The following KDSR variants were observed in gnomAD, a reference collection of about 807,000 sequenced individuals.
The protein encoded by KDSR is 3-ketodihydrosphingosine reductase.
In KDSR, 23 loss-of-function variants were observed where a neutral mutation model predicts 41.3. That is an observed-to-expected ratio of 0.56 (90% confidence interval 0.40 to 0.79). The LOEUF (loss-of-function observed/expected upper bound fraction) is 0.79, where lower values mean the gene tolerates loss of function less well. Among genes scored for constraint, KDSR ranks in the 30% least tolerant of loss-of-function variants. KDSR has a pLI of 0.00. For synonymous variants in KDSR, 138 were observed against 151.7 expected (o/e 0.91, Z 0.66); for missense variants, 351 against 416.8 (o/e 0.84, Z 1.37).
At chr18:63,350,514 C>T (rs1428342081) in intron 6 of KDSR, among the ~76,000 whole-genome samples, 2 of 152,164 alleles carry the variant, frequency 1.3e-5, no homozygotes, top group African/African-American at 4.8e-5. Context: ...ATACTAATTT[C>T]ACGTATTATT....
chr18:63,355,520 T>TG lies in KDSR; in HGVS notation c.298dup (p.Gln100ProfsTer32). ...TACTTGTTTTATGACATTCTCTACT[T>TG]GGTTATAGTCTTGAGATACATCAAC... On this transcript the variant is annotated frameshift_variant, in exon 4 of 10. Transcript: ENST00000645214. LOFTEE classifies it high-confidence loss of function. 6.2e-7 allele frequency: 1 copy of TG among 1,610,782 alleles called. No individual in the cohort carries two copies.
chr18:63,353,382 G>A (rs1392132120), intron 5 of KDSR, among the ~76,000 whole-genome samples: 1 of 152,058 alleles, frequency 6.6e-6, no homozygotes, highest in African/African-American at 2.4e-5. Flanking sequence ...GGTTGAGGAG[G>A]GATAACTAAC....
At chr18:63,351,710 A>T (rs1010043523) in intron 5 of KDSR, among the ~76,000 whole-genome samples, 2 of 152,206 alleles carry the variant, frequency 1.3e-5, no homozygotes, top group African/African-American at 4.8e-5. Flanking sequence ...TATGATGGGT[A>T]AGAGTACTAA....
chr18:63,342,875 C>T (rs781560889), intron 7 of KDSR, among the ~76,000 whole-genome samples: 1 of 152,104 alleles, frequency 6.6e-6, no homozygotes, highest in Non-Finnish European at 1.5e-5. Context: ...GGAGGAGGGA[C>T]CTGGTGGGAG....
chr18:63,353,474 C>T (rs902897509), intron 5 of KDSR, among the ~76,000 whole-genome samples: 2 of 152,114 alleles, frequency 1.3e-5, no homozygotes, highest in African/African-American at 4.8e-5. Flanking sequence ...CCCCAAAAGG[C>T]TCCAGCTGCA....
At chr18:63,362,965 T>G (rs1449816387) in intron 1 of KDSR, 97 bp from the exon 2 acceptor site, 4 of 748,598 alleles carry the variant, frequency 5.3e-6, no homozygotes, top group Non-Finnish European at 9.2e-6. Context: ...AAAATGAATC[T>G]ACAAGAACTA....
At chr18:63,344,832 C>A in intron 6 of KDSR, 1 of 209,904 alleles carries the variant, frequency 4.8e-6, no homozygotes, top group South Asian at 1.2e-4. Context: ...AGTTCCCACA[C>A]GCACTGCACA....
At chr18:63,353,730 C>G (rs1214783437) in intron 5 of KDSR, among the ~76,000 whole-genome samples, 1 of 152,152 alleles carries the variant, frequency 6.6e-6, no homozygotes, top group Non-Finnish European at 1.5e-5. Flanking sequence ...AGGTCAGACA[C>G]AGAAGTGCAC....
chr18:63,364,912 A>C (rs989330344), intron 1 of KDSR, among the ~76,000 whole-genome samples: 1 of 152,236 alleles, frequency 6.6e-6, no homozygotes, highest in Non-Finnish European at 1.5e-5. Context: ...ATAACCAGAC[A>C]TTTAGATTTT....
At chr18:63,359,285 A>G (rs537464125) in intron 3 of KDSR, among the ~76,000 whole-genome samples, 1 of 151,978 alleles carries the variant, frequency 6.6e-6, no homozygotes, top group African/African-American at 2.4e-5. Flanking sequence ...GAAAAGAGGG[A>G]CAAGGCTGCT....
chr18:63,332,337 C>T (rs1206874870), intron 9 of KDSR, among the ~76,000 whole-genome samples: 3 of 152,158 alleles, frequency 2.0e-5, no homozygotes, highest in Non-Finnish European at 4.4e-5. Context: ...TGAGCTTATT[C>T]TCAGGCTGGA....
chr18:63,329,610 C>G lies in KDSR; in HGVS notation c.*2172G>C, dbSNP rs762913178. ...AAATTGGGATAGGGACAATTGTCTTCTACCGCAAAACAGGGGCTCTCAACA... is the reference window on the plus strand; with the variant it reads ...AAATTGGGATAGGGACAATTGTCTTGTACCGCAAAACAGGGGCTCTCAACA... On this transcript the variant is annotated 3_prime_UTR_variant, in exon 10 of 10. Coordinates refer to ENST00000645214, the MANE Select transcript of KDSR (RefSeq NM_002035.4). The G allele has an allele frequency of 2.3e-4, 47 of 201,390 alleles. No homozygotes were observed. The highest frequency in any genetic ancestry group is 7.2e-5 in the Non-Finnish European group (7 of 97,886). 12.5% of individuals were successfully genotyped at this position (201,390 alleles called of 1,614,324 possible).
chr18:63,347,026 A>G (rs1914524783), intron 6 of KDSR, among the ~76,000 whole-genome samples: 1 of 152,078 alleles, frequency 6.6e-6, no homozygotes, highest in East Asian at 1.9e-4. Flanking sequence ...CACTCTTTCT[A>G]AGAATGGATG....
At chr18:63,349,828 T>C (rs958209867) in intron 6 of KDSR, among the ~76,000 whole-genome samples, 3 of 152,266 alleles carry the variant, frequency 2.0e-5, no homozygotes, top group Non-Finnish European at 4.4e-5. Flanking sequence ...GTGACAATTG[T>C]TCATTTACAC....
In KDSR at chr18:63,344,438, G is replaced by C; in HGVS notation, c.665C>G (p.Pro222Arg). The change falls in exon 7 of 10, where the codon CCT (proline) becomes CGT (arginine). Residue 222 changes from proline to arginine, a missense_variant. Transcript: ENST00000645214. ...TVAYPPDTDT[P>R]GFAEENRTKP... is the part of the protein sequence containing the mutation. Reference sequence around the variant, plus strand: ...TGTTCTGTTTTCTTCGGCAAAGCCAGGTGTGTCTGTGTCTGGTGGGTAAGC... The same window carrying C: ...TGTTCTGTTTTCTTCGGCAAAGCCACGTGTGTCTGTGTCTGGTGGGTAAGC... The C allele has an allele frequency of 1.2e-6, 2 of 1,613,998 alleles. No homozygotes were observed. The highest frequency in any genetic ancestry group is 1.7e-6 in the Non-Finnish European group (2 of 1,179,852).
In KDSR at chr18:63,331,280, GA is replaced by G. The variant is rs1568273595; in HGVS notation, c.*501del. On this transcript the variant is annotated 3_prime_UTR_variant, in exon 10 of 10. Coordinates refer to ENST00000645214, the MANE Select transcript of KDSR (RefSeq NM_002035.4). ...ACAAAGAAAGAAAGAGAGAGAGAGA[GA>G]GAGACAGAGAGACAGAGAGACAGAG... is the stretch of plus-strand genomic sequence containing the variant. 6.4e-5 allele frequency: 3 copies of G among 46,876 alleles called. No individual in the cohort carries two copies. The highest frequency in any genetic ancestry group is 2.9e-4 in the African/African-American group (3 of 10,220). The allele number at this position is 46,876 out of a possible 1,614,324, so 2.9% of individuals were successfully genotyped here. A position where few individuals can be genotyped will look rare whatever the true frequency, so the allele number is the denominator to read the frequency against.
chr18:63,348,580 A>G (rs928788486), intron 6 of KDSR, among the ~76,000 whole-genome samples: 8 of 152,088 alleles, frequency 5.3e-5, no homozygotes, highest in African/African-American at 1.9e-4. Flanking sequence ...GGGTATTTTT[A>G]ATAGAGTCCA....
In KDSR at chr18:63,350,747, G is replaced by C. The variant is rs969907020; in HGVS notation, c.609+141C>G. 11 of 661,194 alleles carry C rather than the reference G, an allele frequency of 1.7e-5. No homozygotes were observed. In the African/African-American group the frequency reaches 2.0e-4, roughly 12 times the overall value. The allele number at this position is 661,194 out of a possible 1,614,324, so 41.0% of individuals were successfully genotyped here. A position where few individuals can be genotyped will look rare whatever the true frequency, so the allele number is the denominator to read the frequency against. ...AATGTTAACTGCAAAACTCAGGGTT[G>C]AGCCAATTCTCTTTCACCAATGTCA... On this transcript the variant is annotated intron_variant, in intron 6 of 9. Coordinates refer to ENST00000645214, the MANE Select transcript of KDSR (RefSeq NM_002035.4).
intron 7 of KDSR, among the ~76,000 whole-genome samples, chr18:63,340,756 C>T (rs1033469336): frequency 2.0e-5 from 3 of 152,234 alleles, no homozygotes; most frequent in Non-Finnish European, 4.4e-5. Flanking sequence ...CCCAAGTCAT[C>T]TCCTCTACGA....
Sources: gnomAD v4.1 joint callset for allele counts (sites outside exome capture counted in the v4.1 genomes callset) on GRCh38, gnomAD v4.1.1 for gene constraint, MANE v1.5 for transcripts, NCBI Gene and HGNC (gene_info 2026-07-23, HGNC 2026-07-21) for gene names.